The following KALRN variants were observed in gnomAD, a reference collection of about 807,000 sequenced individuals.
KALRN encodes the protein kalirin.
In KALRN, 70 loss-of-function variants were observed where a neutral mutation model predicts 353.7. The observed-to-expected ratio is 0.20, with a 90% CI of 0.16 to 0.24. KALRN has a LOEUF of 0.24. Among genes scored for constraint, KALRN ranks in the 10% least tolerant of loss-of-function variants. KALRN has a pLI of 1.00. For synonymous variants in KALRN, 1,391 were observed against 1,434.8 expected (o/e 0.97, Z 0.69); for missense variants, 2,791 against 3,756.7 (o/e 0.74, Z 6.72).
At chr3:124,666,710 C>T in intron 46 of KALRN, 76 bp downstream of exon 46, 1 of 1,254,966 alleles carries the variant, frequency 8.0e-7, no homozygotes, top group Middle Eastern at 2.5e-4. Context: ...AGACGAGGCC[C>T]TGGAGTTGTG....
chr3:124,094,881 G>A, intron 1 of KALRN: 1 of 1,614,078 alleles, frequency 6.2e-7, no homozygotes, highest in Non-Finnish European at 8.5e-7. Flanking sequence ...TGGTATCTCC[G>A]CTTGCTCCGG....
chr3:124,330,132 CT>C (rs2080358151), intron 8 of KALRN, 140 bp downstream of exon 8: 8 of 895,844 alleles, frequency 8.9e-6, no homozygotes, highest in Non-Finnish European at 8.2e-6. Flanking sequence ...TTGGTGACAT[CT>C]TTAGGAACCT....
intron 3 of KALRN, among the ~76,000 whole-genome samples, chr3:124,247,551 A>C (rs1316668412): frequency 1.3e-5 from 2 of 152,214 alleles, no homozygotes; most frequent in Non-Finnish European, 2.9e-5. Context: ...AATTTAAAAA[A>C]ACTAAAACAC....
intron 53 of KALRN, 54 bp downstream of exon 53, chr3:124,694,557 T>A (rs41264667): frequency 1.3e-6 from 2 of 1,542,164 alleles, no homozygotes; most frequent in Admixed American, 1.7e-5. Flanking sequence ...GACACAGCAC[T>A]GAGAGGCTGA....
intron 5 of KALRN, among the ~76,000 whole-genome samples, chr3:124,287,323 G>A (rs1187597790): frequency 6.6e-6 from 1 of 152,074 alleles, no homozygotes; most frequent in African/African-American, 2.4e-5. Flanking sequence ...ATTTGGCTAA[G>A]GACCTGAGGG....
rs2108019361 is a variant in KALRN, at chr3:124,474,660, C to T, written c.4032-3C>T. On this transcript the variant is annotated splice_polypyrimidine_tract_variant and splice_region_variant and intron_variant, in intron 25 of 59. Coordinates refer to ENST00000682506, the MANE Select transcript of KALRN (RefSeq NM_001388419.1). ...CTGATTCAGTCTTTTTCTCCTCTTG[C>T]AGCATCTTCCTCAAAGAGCTGGAGA... 8 of 1,613,546 alleles carry T rather than the reference C, an allele frequency of 5.0e-6. No individual in the cohort carries two copies. The highest frequency in any genetic ancestry group is 6.8e-6 in the Non-Finnish European group (8 of 1,179,456).
At chr3:124,484,596 GA>G (rs1409295077) in intron 28 of KALRN, among the ~76,000 whole-genome samples, 1 of 152,090 alleles carries the variant, frequency 6.6e-6, no homozygotes, top group Non-Finnish European at 1.5e-5. Context: ...AAATTCTTGT[GA>G]GATCTCAGGA....
intron 5 of KALRN, among the ~76,000 whole-genome samples, chr3:124,284,566 A>G (rs146539949): frequency 6.6e-6 from 1 of 152,240 alleles, no homozygotes; most frequent in Admixed American, 6.5e-5. Context: ...TACGTCTCTT[A>G]TAGTATTTTT....
chr3:124,620,156 A>G (rs1578397524), intron 34 of KALRN, among the ~76,000 whole-genome samples: 1 of 152,114 alleles, frequency 6.6e-6, no homozygotes, highest in Non-Finnish European at 1.5e-5. Context: ...GCTGGAGTGC[A>G]GTGGTGGAAT....
At chr3:124,223,051 CTTTTT>C in intron 1 of KALRN, among the ~76,000 whole-genome samples, 1 of 140,052 alleles carries the variant, frequency 7.1e-6, no homozygotes, top group Non-Finnish European at 1.6e-5. Flanking sequence ...TTAAGAAGCT[CTTTTT>C]TTTTTTTTTA....
At chr3:124,242,792 GGGT>G (rs1347141049) in intron 3 of KALRN, among the ~76,000 whole-genome samples, 3 of 152,134 alleles carry the variant, frequency 2.0e-5, no homozygotes, top group Admixed American at 6.5e-5. Flanking sequence ...GGGGTGGTGA[GGGT>G]GGTGGTGGTG....
chr3:124,401,670 C>G (rs2100025), intron 13 of KALRN, among the ~76,000 whole-genome samples: 28,331 of 151,978 alleles, frequency 0.19, 3,515 homozygotes, highest in East Asian at 0.62. Context: ...ATGATAGGAT[C>G]CTGCATCCTC....
At chr3:124,176,720 T>A (rs2072816075) in intron 1 of KALRN, among the ~76,000 whole-genome samples, 1 of 152,204 alleles carries the variant, frequency 6.6e-6, no homozygotes, top group Admixed American at 6.5e-5. Context: ...TTCAGTTAGG[T>A]GCTCTGCTTG....
chr3:124,527,654 A>G (rs1011045554), intron 33 of KALRN, among the ~76,000 whole-genome samples: 1 of 152,048 alleles, frequency 6.6e-6, no homozygotes, highest in African/African-American at 2.4e-5. Context: ...AATTTTATCT[A>G]GGAGCAAGTA....
Position 124,033,476 on chromosome 3 carries a change from C to G in KALRN, c.-265C>G, listed in dbSNP as rs938632599. Among the ~76,000 whole-genome samples, 7 of 151,902 alleles carry G rather than the reference C, an allele frequency of 4.6e-5. No homozygotes were observed. Among genetic ancestry groups the G allele is most frequent in the Non-Finnish European group, 8.8e-5 (6 of 67,914 alleles). ...GCCCCGGGCCCCGGCCCCAGCCAGACAGCAGGCGGCCAGCGCCCTGGGGAA... is the reference window on the plus strand; with the variant it reads ...GCCCCGGGCCCCGGCCCCAGCCAGAGAGCAGGCGGCCAGCGCCCTGGGGAA... On this transcript the variant is annotated 5_prime_UTR_variant, in exon 1 of 60. Coordinates refer to ENST00000682506, the MANE Select transcript of KALRN (RefSeq NM_001388419.1). The surrounding 1 kb of genome is among the most constrained non-coding windows in gnomAD (Gnocchi z 6.2).
intron 33 of KALRN, among the ~76,000 whole-genome samples, chr3:124,516,649 A>AAAC (rs1554016174): frequency 6.6e-6 from 1 of 151,758 alleles, no homozygotes; most frequent in South Asian, 2.1e-4. Flanking sequence ...AAAAAAAAAA[A>AAAC]AAAAAACCTG....
intron 36 of KALRN, chr3:124,636,966 T>A (rs1561488085): frequency 2.1e-6 from 1 of 474,660 alleles, no homozygotes; most frequent in East Asian, 3.6e-5. Flanking sequence ...CCCTCCTTCA[T>A]AGGCTTGCCT....
chr3:124,336,702 C>T (rs2081168365), intron 9 of KALRN, among the ~76,000 whole-genome samples: 2 of 152,180 alleles, frequency 1.3e-5, no homozygotes, highest in South Asian at 4.1e-4. Flanking sequence ...CTGCATCATG[C>T]TTTCAAAAAT....
chr3:124,495,123 G>T (rs994875856), intron 32 of KALRN, among the ~76,000 whole-genome samples: 6 of 152,176 alleles, frequency 3.9e-5, no homozygotes, highest in Admixed American at 2.6e-4. Flanking sequence ...GTGGTCCGGG[G>T]CCCAGGAAGG....
Sources: allele counts gnomAD v4.1 joint callset (sites outside exome capture counted in the v4.1 genomes callset), GRCh38; gene constraint gnomAD v4.1.1; non-coding constraint Gnocchi (gnomAD v3.1); transcripts MANE v1.5; gene names NCBI Gene and HGNC (gene_info 2026-07-23, HGNC 2026-07-21).